MBOAT2: variants seen among roughly 807,000 people sequenced by gnomAD.
MBOAT2 encodes membrane bound glycerophospholipid O-acyltransferase 2.
Under a neutral mutation model 63.4 loss-of-function variants are expected in MBOAT2, and 28 were observed. The ratio of observed to expected loss-of-function variants is 0.44; its 90% CI spans 0.33 to 0.61. The LOEUF (loss-of-function observed/expected upper bound fraction) is 0.61. Ranked by LOEUF, MBOAT2 falls within the 20% of genes least tolerant of loss-of-function variation. The pLI, the probability that MBOAT2 is intolerant of heterozygous loss-of-function variation, is 0.03. For missense variants in MBOAT2, 470 were observed against 605.8 expected, an observed-to-expected ratio of 0.78 and a Z score of 2.35; for synonymous variants, 211 against 215.6, an observed-to-expected ratio of 0.98 and a Z score of 0.19.
chr2:8,909,004 G>C (rs548406148), intron 3 of MBOAT2, among the ~76,000 whole-genome samples: 4 of 152,084 alleles, frequency 2.6e-5, no homozygotes, highest in Non-Finnish European at 5.9e-5. Flanking sequence ...TAAACCTGTG[G>C]TTAGTATGTG....
At chr2:8,980,251 C>T (rs1453372978) in intron 1 of MBOAT2, among the ~76,000 whole-genome samples, 2 of 152,016 alleles carry the variant, frequency 1.3e-5, no homozygotes, top group African/African-American at 2.4e-5. Flanking sequence ...ACACAGTGAA[C>T]ACAGTGGGAA....
intron 4 of MBOAT2, 59 bp downstream of exon 4, chr2:8,908,562 C>T (rs1665495293): frequency 2.1e-6 from 2 of 938,248 alleles, no homozygotes; most frequent in Non-Finnish European, 3.4e-6. Flanking sequence ...ATATTTTGTC[C>T]TTTAACCACC....
At chr2:8,930,203 T>TTGTTTCTCACTCTGG (rs1260183613) in intron 3 of MBOAT2, among the ~76,000 whole-genome samples, 5 of 152,214 alleles carry the variant, frequency 3.3e-5, no homozygotes, top group African/African-American at 1.2e-4. Flanking sequence ...TTAATTGTCT[T>TTGTTTCTCACTCTGG]TGTTTCTCAC....
intron 3 of MBOAT2, among the ~76,000 whole-genome samples, chr2:8,933,102 T>C (rs1401337630): frequency 6.6e-6 from 1 of 152,202 alleles, no homozygotes; most frequent in East Asian, 1.9e-4. Context: ...TTTTTTATCA[T>C]TCTAATGGAT....
At position 8,858,576 on chromosome 2, in the gene MBOAT2, C is replaced by T. The variant is rs1572898177; in HGVS notation, c.*103G>A. ...CCTTATCTATAACTGTCCATTTCCC[C>T]CCAGTTAACTGCTTTTCCAACAAAC... On this transcript the variant is annotated 3_prime_UTR_variant, in exon 13 of 13. Coordinates refer to ENST00000305997, the MANE Select transcript of MBOAT2 (RefSeq NM_138799.4). 3 of 813,098 alleles carry T rather than the reference C, an allele frequency of 3.7e-6. No homozygotes were observed. In the South Asian group the frequency reaches 5.4e-5, roughly 15 times the overall value. The allele number at this position is 813,098 out of a possible 1,614,324, so 50.4% of individuals were successfully genotyped here.
intron 1 of MBOAT2, among the ~76,000 whole-genome samples, chr2:8,981,383 A>G (rs1385418169): frequency 6.6e-6 from 1 of 152,192 alleles, no homozygotes; most frequent in East Asian, 1.9e-4. Context: ...TTACATAATA[A>G]TTATAGCTTT....
chr2:8,941,933 T>C (rs919758291), intron 3 of MBOAT2, among the ~76,000 whole-genome samples: 23 of 152,206 alleles, frequency 1.5e-4, no homozygotes, highest in African/African-American at 5.5e-4. Context: ...AGTAATCTAA[T>C]CTAATCTAAA....
intron 2 of MBOAT2, 118 bp from the exon 3 acceptor site, chr2:8,943,382 G>A: frequency 5.7e-6 from 3 of 530,172 alleles, no homozygotes; most frequent in Non-Finnish European, 9.8e-6. Flanking sequence ...AAAAAATAAG[G>A]AATGAAACTT....
intron 3 of MBOAT2, among the ~76,000 whole-genome samples, chr2:8,912,952 G>A (rs1665900464): frequency 6.6e-6 from 1 of 152,072 alleles, no homozygotes; most frequent in African/African-American, 2.4e-5. Context: ...ATACTATAAG[G>A]CCATAGTCAC....
intron 3 of MBOAT2, among the ~76,000 whole-genome samples, chr2:8,917,976 A>T (rs1432269874): frequency 6.6e-6 from 1 of 152,256 alleles, no homozygotes; most frequent in Non-Finnish European, 1.5e-5. Flanking sequence ...ACAAAAGATT[A>T]CATAATGTAT....
chr2:8,935,532 G>T (rs1171479279), intron 3 of MBOAT2, among the ~76,000 whole-genome samples: 1 of 152,180 alleles, frequency 6.6e-6, no homozygotes, highest in African/African-American at 2.4e-5. Flanking sequence ...ACATAATCAG[G>T]AGAGAGGGAA....
At chr2:8,990,042 A>G (rs1447277324) in intron 1 of MBOAT2, among the ~76,000 whole-genome samples, 1 of 152,234 alleles carries the variant, frequency 6.6e-6, no homozygotes, top group African/African-American at 2.4e-5. Context: ...CTTAGTCACT[A>G]TAATCTAAAT....
In MBOAT2 at chr2:8,856,196, CAT is replaced by C. The variant is rs1661067805; in HGVS notation, c.*2481_*2482del. The stretch of plus-strand genomic sequence containing the variant: ...GCTTTCTAGATGACAGTGCCAAGAT[CAT>C]ATTCACTGAGCAAGAAACAGGTAAC... On this transcript the variant is annotated 3_prime_UTR_variant, in exon 13 of 13. Coordinates refer to ENST00000305997, the MANE Select transcript of MBOAT2 (RefSeq NM_138799.4). This position sits in a 1 kb window ranked among gnomAD's most constrained non-coding sequence, Gnocchi z 4.2. 1 of 151,826 alleles carries C rather than the reference CAT, an allele frequency of 6.6e-6. No homozygotes were observed. The highest frequency in any genetic ancestry group is 1.5e-5 in the Non-Finnish European group (1 of 67,974). 9.4% of individuals were successfully genotyped at this position (151,826 alleles called of 1,614,324 possible).
At chr2:8,929,536 A>C (rs948432891) in intron 3 of MBOAT2, among the ~76,000 whole-genome samples, 1 of 152,170 alleles carries the variant, frequency 6.6e-6, no homozygotes, top group Non-Finnish European at 1.5e-5. Context: ...TATTTTTTGT[A>C]AAGGCCGGGT....
chr2:8,996,516 G>C (rs574299457), intron 1 of MBOAT2, among the ~76,000 whole-genome samples: 1 of 152,300 alleles, frequency 6.6e-6, no homozygotes, highest in East Asian at 1.9e-4. Context: ...CAGGAGATGA[G>C]AGGATGGGAG....
At chr2:8,924,084 A>C (rs1480902522) in intron 3 of MBOAT2, among the ~76,000 whole-genome samples, 1 of 152,214 alleles carries the variant, frequency 6.6e-6, no homozygotes, top group African/African-American at 2.4e-5. Context: ...TGAGTTCTTT[A>C]AATGAGAAAT....
intron 4 of MBOAT2, among the ~76,000 whole-genome samples, chr2:8,893,879 A>C (rs1411421938): frequency 3.3e-5 from 5 of 152,200 alleles, no homozygotes; most frequent in Admixed American, 6.5e-5. Context: ...TGAAGAAGAA[A>C]GAACAGGTGA....
intron 5 of MBOAT2, among the ~76,000 whole-genome samples, chr2:8,884,195 C>CAAAAAA (rs1169179642): frequency 5.4e-4 from 12 of 22,078 alleles, no homozygotes; most frequent in South Asian, 1.4e-3. Flanking sequence ...AAGACTCAGC[C>CAAAAAA]AAAAAAAAAA....
chr2:8,936,725 T>C (rs1401715624), intron 3 of MBOAT2, among the ~76,000 whole-genome samples: 1 of 144,634 alleles, frequency 6.9e-6, no homozygotes, highest in Non-Finnish European at 1.5e-5. Flanking sequence ...GAGACAGAGG[T>C]TGCAGTGAGC....
Sources: allele counts gnomAD v4.1 joint callset (sites outside exome capture counted in the v4.1 genomes callset), GRCh38; gene constraint gnomAD v4.1.1; non-coding constraint Gnocchi (gnomAD v3.1); transcripts MANE v1.5; gene names NCBI Gene and HGNC (gene_info 2026-07-23, HGNC 2026-07-21).